Variants in CDK14 observed in about 807,000 individuals in gnomAD.
The protein encoded by CDK14 is cyclin dependent kinase 14.
A neutral mutation model predicts 60.7 loss-of-function variants in CDK14; 34 were observed. The observed-to-expected ratio is 0.56, with a 90% CI of 0.43 to 0.75. The LOEUF is 0.75. CDK14 is among the 30% of genes least tolerant of loss of function. The probability of loss-of-function intolerance (pLI) is 0.00; values close to 1 mark genes in which losing one functional copy is unlikely to be tolerated. For synonymous variants in CDK14, 197 were observed against 203.7 expected (o/e 0.97, Z 0.28); for missense variants, 482 against 564.1 (o/e 0.85, Z 1.47).
intron 2 of CDK14, among the ~76,000 whole-genome samples, chr7:90,621,060 A>G (rs1799755072): frequency 6.6e-6 from 1 of 152,216 alleles, no homozygotes; most frequent in Admixed American, 6.5e-5. Flanking sequence ...ATATGTGAGC[A>G]CTACTAACTC....
intron 10 of CDK14, among the ~76,000 whole-genome samples, chr7:90,985,336 GATA>G (rs1384340904): frequency 2.0e-5 from 3 of 151,958 alleles, no homozygotes; most frequent in African/African-American, 4.8e-5. Flanking sequence ...TGAAATGAGG[GATA>G]ATAACAGCAC....
In CDK14 at chr7:90,656,244, C is replaced by T. The variant is rs185267424; in HGVS notation, c.123+51995C>T. On this transcript the variant is annotated intron_variant, in intron 2 of 14. Transcript: ENST00000380050. ...TTGAGTTACAATGGGGAATGTTTCA[C>T]TTATTATTCAACATTTCATCATAAA... Among the ~76,000 whole-genome samples the T allele has an allele frequency of 1.4e-3, 216 of 152,282 alleles. 1 individual carries two copies. The highest frequency in any genetic ancestry group is 4.8e-3 in the African/African-American group (198 of 41,562).
intron 5 of CDK14, among the ~76,000 whole-genome samples, chr7:90,820,839 C>CT (rs772115900): frequency 4.2e-4 from 64 of 152,294 alleles, no homozygotes; most frequent in Non-Finnish European, 6.6e-4. Context: ...AAGCTGAACT[C>CT]TATTTTGAAT....
At chr7:91,134,064 CCGGATTCTCCACCT>C (rs1252241690) in intron 14 of CDK14, among the ~76,000 whole-genome samples, 21 of 152,236 alleles carry the variant, frequency 1.4e-4, no homozygotes, top group Admixed American at 1.3e-3. Context: ...ATTTGGGACT[CCGGATTCTCCACCT>C]GCTGCTAATC....
chr7:90,657,860 T>G (rs1263601030), intron 2 of CDK14, among the ~76,000 whole-genome samples: 7 of 152,198 alleles, frequency 4.6e-5, no homozygotes, highest in Admixed American at 3.9e-4. Flanking sequence ...TAAGCTCCTA[T>G]TTTACCATGA....
chr7:90,994,985 A>G lies in CDK14; in HGVS notation c.1041+10744A>G, dbSNP rs543194091. Among the ~76,000 whole-genome samples the G allele has an allele frequency of 2.6e-5, 4 of 152,304 alleles. No homozygotes were observed. The East Asian group carries it at 7.7e-4, about 29-fold the overall frequency. ...TAAATCTGATTTCTCAGAACATTAC[A>G]TATGTTATCTCTTGAGGTGAGCAGC... On this transcript the variant is annotated intron_variant, in intron 10 of 14. Coordinates refer to ENST00000380050, the MANE Select transcript of CDK14 (RefSeq NM_001287135.2).
At chr7:90,782,919 C>CA (rs1805406137) in intron 4 of CDK14, among the ~76,000 whole-genome samples, 1 of 152,086 alleles carries the variant, frequency 6.6e-6, no homozygotes, top group African/African-American at 2.4e-5. Flanking sequence ...CAAGGATAGA[C>CA]TATCAAGCCA....
intron 10 of CDK14, among the ~76,000 whole-genome samples, chr7:91,040,221 CT>C (rs896875454): frequency 6.6e-6 from 1 of 152,226 alleles, no homozygotes; most frequent in Admixed American, 6.5e-5. Context: ...GGTGGCTCCT[CT>C]GCATTTCCAC....
chr7:90,908,924 A>C (rs980065094), intron 7 of CDK14, among the ~76,000 whole-genome samples: 2 of 152,070 alleles, frequency 1.3e-5, no homozygotes, highest in African/African-American at 2.4e-5. Context: ...ACCTTTGTCA[A>C]TTTTTCTATC....
chr7:91,068,043 C>G (rs1562890694), intron 11 of CDK14, among the ~76,000 whole-genome samples: 2 of 152,258 alleles, frequency 1.3e-5, no homozygotes, highest in East Asian at 3.9e-4. Flanking sequence ...TAATACCAAA[C>G]TTTAGATAAT....
intron 5 of CDK14, among the ~76,000 whole-genome samples, chr7:90,833,446 C>T (rs1447184293): frequency 6.6e-6 from 1 of 152,164 alleles, no homozygotes; most frequent in African/African-American, 2.4e-5. Flanking sequence ...TTCCTGTTTG[C>T]AACCACTCAT....
chr7:91,177,576 G>A (rs1183736586), intron 14 of CDK14, among the ~76,000 whole-genome samples: 69 of 152,128 alleles, frequency 4.5e-4, no homozygotes, highest in South Asian at 1.9e-3. Flanking sequence ...GTCTCAGCCC[G>A]AAATCTCCTT....
At chr7:90,850,676 A>AT (rs761772441) in intron 5 of CDK14, among the ~76,000 whole-genome samples, 19 of 152,184 alleles carry the variant, frequency 1.2e-4, no homozygotes, top group Non-Finnish European at 2.8e-4. Flanking sequence ...GAAAAGCACC[A>AT]TATGGCTGGA....
chr7:90,671,329 A>ACC (rs1453654942), intron 2 of CDK14, among the ~76,000 whole-genome samples: 5 of 151,676 alleles, frequency 3.3e-5, no homozygotes, highest in Admixed American at 6.6e-5. Context: ...TTACTGAGCC[A>ACC]CCATCTCCCT....
chr7:90,818,559 C>T (rs1194232897), intron 5 of CDK14, among the ~76,000 whole-genome samples: 1 of 152,124 alleles, frequency 6.6e-6, no homozygotes, highest in African/African-American at 2.4e-5. Flanking sequence ...TCACTAATAG[C>T]TTATGGAAAA....
chr7:90,787,206 T>C (rs1002300059), intron 4 of CDK14, among the ~76,000 whole-genome samples: 15 of 152,156 alleles, frequency 9.9e-5, no homozygotes, highest in Non-Finnish European at 1.6e-4. Context: ...GAAGCAGTCG[T>C]AGAAAAGGGA....
chr7:90,732,329 T>C (rs1802901468), intron 3 of CDK14, among the ~76,000 whole-genome samples: 1 of 152,234 alleles, frequency 6.6e-6, no homozygotes, highest in Non-Finnish European at 1.5e-5. Flanking sequence ...TGCCAGGCTT[T>C]GCTATCAGGA....
At chr7:90,941,215 G>T (rs986056755) in intron 8 of CDK14, among the ~76,000 whole-genome samples, 6 of 152,190 alleles carry the variant, frequency 3.9e-5, no homozygotes, top group Non-Finnish European at 8.8e-5. Context: ...GCAGAGAAGG[G>T]CATGTGGGGA....
intron 9 of CDK14, among the ~76,000 whole-genome samples, chr7:90,976,127 A>G (rs1399264468): frequency 1.3e-5 from 2 of 152,092 alleles, no homozygotes; most frequent in African/African-American, 4.8e-5. Flanking sequence ...TGTTCTCCAT[A>G]GAACATTCCC....
Sources: allele counts gnomAD v4.1 joint callset (sites outside exome capture counted in the v4.1 genomes callset), GRCh38; gene constraint gnomAD v4.1.1; transcripts MANE v1.5; gene names NCBI Gene and HGNC (gene_info 2026-07-23, HGNC 2026-07-21).